The following VPS54 variants were observed in gnomAD, a reference collection of about 807,000 sequenced individuals.
The protein encoded by VPS54 is VPS54 subunit of GARP complex, also known as vacuolar protein sorting-associated protein 54.
In VPS54, 45 loss-of-function variants were observed where a neutral mutation model predicts 121.5. That is an observed-to-expected ratio of 0.37 (90% CI 0.29 to 0.47). The LOEUF (loss-of-function observed/expected upper bound fraction) is 0.47, where lower values mean the gene tolerates loss of function less well. VPS54 is among the 20% of genes least tolerant of loss of function. VPS54 has a pLI of 0.99. For synonymous variants in VPS54, 371 were observed against 385.8 expected, an observed-to-expected ratio of 0.96 and a Z score of 0.45; for missense variants, 1,090 against 1,131.4, an observed-to-expected ratio of 0.96 and a Z score of 0.52.
intron 1 of VPS54, among the ~76,000 whole-genome samples, chr2:63,986,714 G>A (rs1015069557): frequency 2.0e-5 from 3 of 152,094 alleles, no homozygotes; most frequent in East Asian, 3.8e-4. Flanking sequence ...ACCACTAACC[G>A]TATGAGGGTT....
chr2:63,984,108 G>C, intron 1 of VPS54, 89 bp from the exon 2 acceptor site: 1 of 1,239,258 alleles, frequency 8.1e-7, no homozygotes, highest in East Asian at 2.7e-5. Flanking sequence ...AAAAGCAAAA[G>C]AATTTTTCAA....
chr2:63,979,944 T>C (rs1372133140), intron 3 of VPS54, among the ~76,000 whole-genome samples: 2 of 152,208 alleles, frequency 1.3e-5, no homozygotes, highest in African/African-American at 4.8e-5. Context: ...AAAAAAAGTA[T>C]ATTCTTCTAT....
At chr2:63,954,706 T>C (rs917796780) in intron 7 of VPS54, among the ~76,000 whole-genome samples, 1 of 152,042 alleles carries the variant, frequency 6.6e-6, no homozygotes, top group Non-Finnish European at 1.5e-5. Context: ...GTCTATTAGG[T>C]GCTCTTGTTA....
chr2:63,978,106 CT>C (rs1676632494), intron 3 of VPS54, among the ~76,000 whole-genome samples: 1 of 152,206 alleles, frequency 6.6e-6, no homozygotes, highest in African/African-American at 2.4e-5. Flanking sequence ...GCCTGTGCCC[CT>C]GGGCTGCGAC....
intron 1 of VPS54, among the ~76,000 whole-genome samples, chr2:64,018,014 T>C (rs898117406): frequency 6.6e-6 from 1 of 152,210 alleles, no homozygotes; most frequent in Admixed American, 6.5e-5. Flanking sequence ...AGAACTCCCC[T>C]TCGGATTTAT....
chr2:64,015,529 G>A (rs1209881711), intron 1 of VPS54, among the ~76,000 whole-genome samples: 1 of 152,096 alleles, frequency 6.6e-6, no homozygotes, highest in African/African-American at 2.4e-5. Flanking sequence ...TTTTGAACCG[G>A]ATAATTTCTT....
intron 6 of VPS54, 81 bp from the exon 7 acceptor site, chr2:63,962,524 A>G: frequency 6.9e-7 from 1 of 1,440,644 alleles, no homozygotes; most frequent in Non-Finnish European, 9.2e-7. Flanking sequence ...ACAATGATAA[A>G]AGATTTCTAC....
At chr2:63,938,637 G>A (rs1169962277) in intron 11 of VPS54, among the ~76,000 whole-genome samples, 1 of 152,138 alleles carries the variant, frequency 6.6e-6, no homozygotes, top group Non-Finnish European at 1.5e-5. Context: ...GCTGATTTTT[G>A]TATTATTAGT....
chr2:63,938,037 CGTGTGTGTGTGTGGTGTGTGTGGTGT>C (rs1674532957), intron 11 of VPS54, among the ~76,000 whole-genome samples: 2 of 97,724 alleles, frequency 2.0e-5, no homozygotes, highest in African/African-American at 4.0e-5. Flanking sequence ...AAAGTGGAAA[CGTGTGTGTGTGTGGTGTGTGTGGTGT>C]GTGTGTGTGT....
At chr2:63,989,842 T>TA (rs1382855084) in intron 1 of VPS54, among the ~76,000 whole-genome samples, 3 of 152,178 alleles carry the variant, frequency 2.0e-5, no homozygotes, top group Non-Finnish European at 2.9e-5. Flanking sequence ...CTTGGTTTCC[T>TA]AAAAAAGCAA....
intron 7 of VPS54, among the ~76,000 whole-genome samples, chr2:63,956,478 C>T (rs1675496500): frequency 6.6e-6 from 1 of 152,134 alleles, no homozygotes; most frequent in Non-Finnish European, 1.5e-5. Context: ...TTCCTGGCTG[C>T]TGAGCAAACC....
At chr2:63,972,953 ACT>A (rs1428477641) in intron 3 of VPS54, among the ~76,000 whole-genome samples, 1 of 151,820 alleles carries the variant, frequency 6.6e-6, no homozygotes, top group African/African-American at 2.4e-5. Flanking sequence ...AAAAAATCTC[ACT>A]CTGATTTAGA....
At chr2:63,967,535 G>A (rs10171008) in intron 5 of VPS54, among the ~76,000 whole-genome samples, 30,489 of 151,468 alleles carry the variant, frequency 0.2, 4,457 homozygotes, top group East Asian at 0.77. Flanking sequence ...CCTGGCCAAC[G>A]TGGCAAAACC....
chr2:64,006,549 A>G (rs989133334), intron 1 of VPS54, among the ~76,000 whole-genome samples: 1 of 152,242 alleles, frequency 6.6e-6, no homozygotes, highest in Non-Finnish European at 1.5e-5. Flanking sequence ...TTTAAATGAA[A>G]TAACTTATGT....
intron 20 of VPS54, among the ~76,000 whole-genome samples, chr2:63,904,205 C>A (rs1445893099): frequency 6.6e-6 from 1 of 151,892 alleles, no homozygotes; most frequent in African/African-American, 2.4e-5. Context: ...TTTGGAAGGC[C>A]GAGGTGGGCG....
intron 7 of VPS54, among the ~76,000 whole-genome samples, chr2:63,960,196 C>T (rs1675691787): frequency 6.6e-6 from 1 of 151,948 alleles, no homozygotes; most frequent in African/African-American, 2.4e-5. Flanking sequence ...TAAGAGCGCA[C>T]CACTGCACTC....
intron 18 of VPS54, among the ~76,000 whole-genome samples, chr2:63,912,905 A>G (rs79214841): frequency 0.014 from 2,185 of 152,294 alleles, 69 homozygotes; most frequent in African/African-American, 0.05. Flanking sequence ...CAGTATCACA[A>G]TAACAAGACA....
At chr2:63,947,003 C>T (rs148467153) in intron 9 of VPS54, among the ~76,000 whole-genome samples, 14 of 151,858 alleles carry the variant, frequency 9.2e-5, no homozygotes, top group African/African-American at 3.4e-4. Context: ...TTATAAACAA[C>T]CTAAATATTC....
intron 1 of VPS54, among the ~76,000 whole-genome samples, chr2:63,998,996 G>C (rs1306863297): frequency 6.6e-6 from 1 of 152,002 alleles, no homozygotes; most frequent in Non-Finnish European, 1.5e-5. Context: ...ACCCAGGCTG[G>C]AGTGCGGTGG....
Sources: gnomAD v4.1 joint callset for allele counts (sites outside exome capture counted in the v4.1 genomes callset) on GRCh38, gnomAD v4.1.1 for gene constraint, MANE v1.5 for transcripts, NCBI Gene and HGNC (gene_info 2026-07-23, HGNC 2026-07-21) for gene names.